The following ATP10B variants were observed in gnomAD, a reference collection of about 807,000 sequenced individuals.
ATP10B encodes phospholipid-transporting ATPase VB.
In ATP10B, 122 loss-of-function variants were observed where a neutral mutation model predicts 141.2. The ratio of observed to expected loss-of-function variants is 0.86; its 90% CI spans 0.75 to 1.00. ATP10B has a LOEUF of 1.00. ATP10B is among the 50% of genes least tolerant of loss of function. The probability of loss-of-function intolerance (pLI) is 0.00; values close to 1 mark genes in which losing one functional copy is unlikely to be tolerated. For synonymous variants in ATP10B, 685 were observed against 692.0 expected, an observed-to-expected ratio of 0.99 and a Z score of 0.16; for missense variants, 1,876 against 1,825.3, an observed-to-expected ratio of 1.03 and a Z score of -0.51.
At chr5:160,703,041 T>C (rs1764767759) in intron 3 of ATP10B, among the ~76,000 whole-genome samples, 1 of 152,240 alleles carries the variant, frequency 6.6e-6, no homozygotes, top group Non-Finnish European at 1.5e-5. Context: ...CTAGAAGATC[T>C]GCAGAAGCAA....
chr5:160,733,103 C>T (rs571142124), intron 2 of ATP10B, among the ~76,000 whole-genome samples: 1 of 152,288 alleles, frequency 6.6e-6, no homozygotes, highest in African/African-American at 2.4e-5. Context: ...ACTATCCTTT[C>T]ATGTTTTTGT....
chr5:160,878,249 C>T, the ATP10B span, among the ~76,000 whole-genome samples: 3 of 151,464 alleles, frequency 2.0e-5, no homozygotes, highest in Non-Finnish European at 4.4e-5. Context: ...ACTATCTGAT[C>T]TTTGACAAAC....
At chr5:160,902,745 G>A in the ATP10B span, among the ~76,000 whole-genome samples, 1 of 152,168 alleles carries the variant, frequency 6.6e-6, no homozygotes, top group Admixed American at 6.5e-5. Context: ...CTATCAGAGG[G>A]TTCAACACAT....
At chr5:160,647,667 G>A (rs1447457948) in intron 8 of ATP10B, among the ~76,000 whole-genome samples, 1 of 152,196 alleles carries the variant, frequency 6.6e-6, no homozygotes, top group African/African-American at 2.4e-5. Flanking sequence ...CTCAAGGCGT[G>A]AGGGATTTGG....
At chr5:160,804,526 GC>G (rs1208481180) in intron 1 of ATP10B, among the ~76,000 whole-genome samples, 1 of 152,172 alleles carries the variant, frequency 6.6e-6, no homozygotes, top group Non-Finnish European at 1.5e-5. Flanking sequence ...AGGCTTATGA[GC>G]CCATAGTCAT....
intron 17 of ATP10B, among the ~76,000 whole-genome samples, chr5:160,615,403 G>C (rs963305953): frequency 2.7e-5 from 4 of 150,692 alleles, no homozygotes; most frequent in African/African-American, 9.8e-5. Flanking sequence ...CCATCTGCTA[G>C]CCCAGCTCTC....
At chr5:160,849,051 G>A (rs1316008151) in intron 1 of ATP10B, among the ~76,000 whole-genome samples, 2 of 152,204 alleles carry the variant, frequency 1.3e-5, no homozygotes, top group Admixed American at 6.5e-5. Context: ...GGCAGGGCCT[G>A]AGGTTTTGCC....
chr5:160,761,127 C>T (rs1286757418), intron 2 of ATP10B, among the ~76,000 whole-genome samples: 1 of 152,172 alleles, frequency 6.6e-6, no homozygotes, highest in Non-Finnish European at 1.5e-5. Flanking sequence ...CAGAACCACC[C>T]TCCTCCAAAG....
intron 6 of ATP10B, among the ~76,000 whole-genome samples, chr5:160,677,026 A>T (rs1763075550): frequency 6.6e-6 from 1 of 152,194 alleles, no homozygotes. Flanking sequence ...GAAGAAGGTG[A>T]CATAAACCTA....
At chr5:160,883,075 T>A in the ATP10B span, among the ~76,000 whole-genome samples, 2 of 152,340 alleles carry the variant, frequency 1.3e-5, no homozygotes, top group East Asian at 3.9e-4. Context: ...AAGCAAGTTT[T>A]AAGGGATGAC....
chr5:160,907,385 A>ATT, the ATP10B span, among the ~76,000 whole-genome samples: 15 of 151,198 alleles, frequency 9.9e-5, no homozygotes, highest in South Asian at 8.4e-4. Context: ...ATCCTATGCA[A>ATT]TTTTTTTTTG....
At chr5:160,831,775 G>C (rs1023674265) in intron 1 of ATP10B, among the ~76,000 whole-genome samples, 1 of 152,068 alleles carries the variant, frequency 6.6e-6, no homozygotes, top group Non-Finnish European at 1.5e-5. Flanking sequence ...ATTTTAAAAA[G>C]AACAAAATTG....
chr5:160,595,079 A>ACT, intron 22 of ATP10B, among the ~76,000 whole-genome samples: 1 of 6,296 alleles, frequency 1.6e-4, no homozygotes, highest in East Asian at 9.4e-3. Context: ...CTCCAAATCA[A>ACT]GAATATACAT....
intron 1 of ATP10B, among the ~76,000 whole-genome samples, chr5:160,846,243 T>C (rs1776108894): frequency 6.6e-6 from 1 of 152,190 alleles, no homozygotes; most frequent in Non-Finnish European, 1.5e-5. Context: ...TATCCAAGCA[T>C]GTGCTCACTA....
intron 1 of ATP10B, among the ~76,000 whole-genome samples, chr5:160,812,014 C>CACAGAG (rs1773191146): frequency 8.5e-6 from 1 of 118,032 alleles, no homozygotes; most frequent in East Asian, 2.6e-4. Context: ...GAGACAGAGA[C>CACAGAG]AGAGACAGAG....
intron 24 of ATP10B, among the ~76,000 whole-genome samples, chr5:160,578,383 C>T (rs1348599077): frequency 6.6e-6 from 1 of 152,100 alleles, no homozygotes; most frequent in Admixed American, 6.5e-5. Flanking sequence ...GTTGCCCTCC[C>T]TGTGTCCATG....
In ATP10B at chr5:160,746,639, G is replaced by A. The variant is rs138603615; in HGVS notation, c.-330-29605C>T. 2.6e-3 allele frequency among the ~76,000 whole-genome samples: 390 copies of A among 152,096 alleles called. 3 individuals carry two copies. Among genetic ancestry groups the A allele is most frequent in the African/African-American group, 8.9e-3 (371 of 41,496 alleles). Reference sequence around the variant, plus strand: ...ACTCCTGACCTTAAATGATCCACCCGCCTCAGCCTCCCAAAATGCTGGGAT... The same window carrying A: ...ACTCCTGACCTTAAATGATCCACCCACCTCAGCCTCCCAAAATGCTGGGAT... On this transcript the variant is annotated intron_variant, in intron 2 of 25. Transcript: ENST00000327245.
chr5:160,829,054 T>C (rs1204880349), intron 1 of ATP10B, among the ~76,000 whole-genome samples: 1 of 102,998 alleles, frequency 9.7e-6, no homozygotes, highest in Non-Finnish European at 1.9e-5. Context: ...CTGGGGACTG[T>C]TGTGGGGTGG....
intron 2 of ATP10B, among the ~76,000 whole-genome samples, chr5:160,727,643 C>T (rs1363720192): frequency 6.6e-6 from 1 of 152,022 alleles, no homozygotes; most frequent in Non-Finnish European, 1.5e-5. Context: ...GGTATCAGCT[C>T]AACTTCCAGG....
Sources: gnomAD v4.1 joint callset for allele counts (sites outside exome capture counted in the v4.1 genomes callset) on GRCh38, gnomAD v4.1.1 for gene constraint, MANE v1.5 for transcripts, NCBI Gene and HGNC (gene_info 2026-07-23, HGNC 2026-07-21) for gene names.